Variants in DRG2 observed in about 807,000 individuals in gnomAD.
The protein encoded by DRG2 is developmentally-regulated GTP-binding protein 2.
DRG2 carries 36 observed loss-of-function variants against 53.4 expected under a neutral mutation model. That is an observed-to-expected ratio of 0.67 (90% CI 0.52 to 0.89). DRG2 has a LOEUF of 0.89. DRG2 is among the 40% of genes least tolerant of loss of function. The pLI is 0.00. For synonymous variants in DRG2, 167 were observed against 192.1 expected (o/e 0.87, Z 1.08); for missense variants, 342 against 481.2 (o/e 0.71, Z 2.71).
intron 12 of DRG2, among the ~76,000 whole-genome samples, chr17:18,106,893 G>C (rs778804223): frequency 6.6e-6 from 1 of 151,982 alleles, no homozygotes; most frequent in Non-Finnish European, 1.5e-5. Context: ...TCTGGCCCAG[G>C]CTGTCTCAAA....
rs1030556216 is a variant in DRG2 at position 18,102,722 on chromosome 17, G to C, written c.806+725G>C. ...GCCTACCTCTCCTGGTGCTCTGGAA[G>C]GTGTGGCTTCTGTCTGATCACAGCT... On this transcript the variant is annotated intron_variant, in intron 9 of 12. Coordinates refer to ENST00000225729, the MANE Select transcript of DRG2 (RefSeq NM_001388.5). 7.2e-5 allele frequency among the ~76,000 whole-genome samples: 11 copies of C among 152,106 alleles called. No individual in the cohort carries two copies. In the South Asian group the frequency reaches 1.7e-3, roughly 23 times the overall value.
chr17:18,093,992 G>C lies in DRG2; in HGVS notation c.225+19G>C, dbSNP rs2045383758. The stretch of plus-strand genomic sequence containing the variant: ...GGGTAAGGTCAGTGATGGTCAGTGT[G>C]GGCCTCGGGGAGGAAAGCAAGAAGT... On this transcript the variant is annotated intron_variant, in intron 2 of 12. Transcript: ENST00000225729. 1.2e-6 allele frequency: 2 copies of C among 1,600,982 alleles called. No individual in the cohort carries two copies. Among genetic ancestry groups the C allele is most frequent in the African/African-American group, 2.7e-5 (2 of 74,656 alleles).
Position 18,101,525 on chromosome 17 carries a change from G to A in DRG2, c.664G>A (p.Asp222Asn). 1 of 1,614,210 alleles carries A rather than the reference G, an allele frequency of 6.2e-7. No homozygotes were observed. Among genetic ancestry groups the A allele is most frequent in the Non-Finnish European group, 8.5e-7 (1 of 1,180,040 alleles). The part of the protein sequence containing the change: ...IFNAEVLFRE[D>N]CSPDEFIDVI... ...CAATGCAGAAGTGCTTTTCCGAGAA[G>A]ACTGCTCCCCGGACGAGTTCATCGA... Residue 222 changes from aspartate to asparagine, a missense_variant, in exon 8 of 13, where the codon GAC becomes AAC. Physicochemically the swap from Asp to Asn is conservative, Grantham distance 23. Transcript: ENST00000225729.
At chr17:18,105,085 A>G (rs2045605196) in intron 11 of DRG2, among the ~76,000 whole-genome samples, 1 of 152,154 alleles carries the variant, frequency 6.6e-6, no homozygotes, top group South Asian at 2.1e-4. Flanking sequence ...CAAGGAGGCA[A>G]CCTGAGCCGG....
chr17:18,098,368 G>C lies in DRG2; in HGVS notation c.315+9G>C, dbSNP rs112456807. On this transcript the variant is annotated intron_variant, in intron 3 of 12. Coordinates refer to ENST00000225729, the MANE Select transcript of DRG2 (RefSeq NM_001388.5). The surrounding 1 kb of genome is among the most constrained non-coding windows in gnomAD (Gnocchi z 4.1). ...TTCCTGGGGTCATTGAAGTAAGTGG[G>C]TGTGCTGGGCCCAGAAGGAGAAGGG... The C allele has an allele frequency of 8.7e-6, 14 of 1,612,564 alleles. No individual in the cohort carries two copies. In the African/African-American group the frequency reaches 1.7e-4, roughly 20 times the overall value.
chr17:18,095,255 G>T (rs761469320), intron 2 of DRG2, among the ~76,000 whole-genome samples: 62 of 150,834 alleles, frequency 4.1e-4, no homozygotes, highest in Non-Finnish European at 8.1e-4. Flanking sequence ...CAGGTGATCC[G>T]CCCACCTTGG....
At chr17:18,096,649 T>C (rs573487882) in intron 2 of DRG2, 1 of 152,442 alleles carries the variant, frequency 6.6e-6, no homozygotes, top group South Asian at 2.1e-4. Flanking sequence ...CATTAGAAAC[T>C]ACCATCTGGG....
In DRG2 at chr17:18,099,485, CAT is replaced by C. The variant is rs541955119; in HGVS notation, c.377-147_377-146del. ...CTGAAATAAGTCTCCGTCAGTAAAA[CAT>C]GTGGATTAAAGAAAAATGCCAAGCT... On this transcript the variant is annotated intron_variant, in intron 4 of 12. Transcript: ENST00000225729. This position sits in a 1 kb window ranked among gnomAD's most constrained non-coding sequence, Gnocchi z 4.4. 478 of 799,090 alleles carry C rather than the reference CAT, an allele frequency of 6.0e-4. 2 individuals are homozygous for C. In the Middle Eastern group the frequency reaches 6.3e-3, roughly 11 times the overall value. 49.5% of individuals were successfully genotyped at this position (799,090 alleles called of 1,614,324 possible).
intron 1 of DRG2, among the ~76,000 whole-genome samples, 178 bp downstream of exon 1, chr17:18,088,265 A>G (rs1440629938): frequency 6.6e-6 from 1 of 152,370 alleles, no homozygotes; most frequent in South Asian, 2.1e-4. Context: ...AGCGGGTCTC[A>G]CGCCCAGGTC....
Position 18,098,110 on chromosome 17 carries a change from C to T in DRG2, c.226-160C>T. 1.6e-6 allele frequency: 1 copy of T among 617,870 alleles called. No homozygotes were observed. The allele number at this position is 617,870 out of a possible 1,614,324, so 38.3% of individuals were successfully genotyped here. ...CATCCAGGACAGGGCCAGAGGTGAG[C>T]CCTCTGGCTGGGAGGTCTCTTCACA... On this transcript the variant is annotated intron_variant, in intron 2 of 12. Coordinates refer to ENST00000225729, the MANE Select transcript of DRG2 (RefSeq NM_001388.5). This position sits in a 1 kb window ranked among gnomAD's most constrained non-coding sequence, Gnocchi z 4.1.
At chr17:18,102,635 A>AG (rs2045560517) in intron 9 of DRG2, among the ~76,000 whole-genome samples, 1 of 151,924 alleles carries the variant, frequency 6.6e-6, no homozygotes, top group East Asian at 1.9e-4. Flanking sequence ...AAAAAAAAAA[A>AG]AAAAAAGAGG....
Position 18,098,347 on chromosome 17 carries a change from T to G in DRG2, c.303T>G (p.Pro101=). ...AGTTCACCACTCTGACGTGTATTCC[T>G]GGGGTCATTGAAGTAAGTGGGTGTG... ...SYEFTTLTCI[P]GVIEYKGANI... Residue 101 remains proline (P), a synonymous_variant, in exon 3 of 13, where the codon CCT becomes CCG. Coordinates refer to ENST00000225729, the MANE Select transcript of DRG2 (RefSeq NM_001388.5). The surrounding 1 kb of genome is among the most constrained non-coding windows in gnomAD (Gnocchi z 4.1). 1 of 1,613,912 alleles carries G rather than the reference T, an allele frequency of 6.2e-7. No individual in the cohort carries two copies. Among genetic ancestry groups the G allele is most frequent in the African/African-American group, 1.3e-5 (1 of 75,058 alleles).
chr17:18,091,073 C>T (rs1187224056), intron 1 of DRG2, among the ~76,000 whole-genome samples: 3 of 152,188 alleles, frequency 2.0e-5, no homozygotes, highest in Non-Finnish European at 4.4e-5. Context: ...GCTGGGGATC[C>T]AGTCCCATTT....
chr17:18,099,013 C>G lies in DRG2; in HGVS notation c.316-4C>G. The G allele has an allele frequency of 6.2e-7, 1 of 1,614,042 alleles. No individual in the cohort carries two copies. The highest frequency in any genetic ancestry group is 1.3e-5 in the African/African-American group (1 of 75,054). ...CCTTACCTTTCTTCTCTTCTGCATC[C>G]TAGTACAAAGGTGCCAACATCCAGC... On this transcript the variant is annotated splice_polypyrimidine_tract_variant and splice_region_variant and intron_variant, in intron 3 of 12. Coordinates refer to ENST00000225729, the MANE Select transcript of DRG2 (RefSeq NM_001388.5). This position sits in a 1 kb window ranked among gnomAD's most constrained non-coding sequence, Gnocchi z 4.4.
chr17:18,092,839 G>A (rs1294996984), intron 1 of DRG2, among the ~76,000 whole-genome samples: 1 of 152,152 alleles, frequency 6.6e-6, no homozygotes, highest in Non-Finnish European at 1.5e-5. Context: ...GTGTTGTATT[G>A]GCCACTGAGT....
chr17:18,091,155 C>A (rs1431764997), intron 1 of DRG2, among the ~76,000 whole-genome samples: 3 of 152,184 alleles, frequency 2.0e-5, no homozygotes, highest in African/African-American at 7.2e-5. Flanking sequence ...TAAACCTGCT[C>A]ATGAGGCAGG....
intron 11 of DRG2, chr17:18,106,077 G>T (rs1317207003): frequency 2.1e-5 from 6 of 284,888 alleles, no homozygotes; most frequent in South Asian, 4.7e-5. Flanking sequence ...AAGCAGGGGG[G>T]ACTCCAAGCT....
chr17:18,089,458 A>G lies in DRG2; in HGVS notation c.64+1371A>G, dbSNP rs193255350. On this transcript the variant is annotated intron_variant, in intron 1 of 12. Coordinates refer to ENST00000225729, the MANE Select transcript of DRG2 (RefSeq NM_001388.5). The stretch of plus-strand genomic sequence containing the variant: ...CCTGGCCGATCTTTCCTGAGCCTTT[A>G]CTATGTGCTAGGCACTGTGGTTAAA... Among the ~76,000 whole-genome samples, 110 of 152,300 alleles carry G rather than the reference A, an allele frequency of 7.2e-4. 1 individual carries two copies. Among genetic ancestry groups the G allele is most frequent in the Non-Finnish European group, 1.3e-3 (89 of 68,018 alleles).
At position 18,106,638 on chromosome 17, in the gene DRG2, A is replaced by G. The variant is rs908171686; in HGVS notation, c.1008+152A>G. ...TGTGTCTGTCCTCCATAGAATGTAC[A>G]TGCCAACCCAGGGTAGACATGGGCC... is the stretch of plus-strand genomic sequence containing the variant. On this transcript the variant is annotated intron_variant, in intron 12 of 12. Coordinates refer to ENST00000225729, the MANE Select transcript of DRG2 (RefSeq NM_001388.5). 1.1e-5 allele frequency: 9 copies of G among 808,518 alleles called. No homozygotes were observed. In the East Asian group the frequency reaches 2.5e-4, roughly 22 times the overall value. 50.1% of individuals were successfully genotyped at this position (808,518 alleles called of 1,614,324 possible). A position where few individuals can be genotyped will look rare whatever the true frequency, so the allele number is the denominator to read the frequency against.
Sources: allele counts gnomAD v4.1 joint callset (sites outside exome capture counted in the v4.1 genomes callset), GRCh38; gene constraint gnomAD v4.1.1; non-coding constraint Gnocchi (gnomAD v3.1); transcripts MANE v1.5; gene names NCBI Gene and HGNC (gene_info 2026-07-23, HGNC 2026-07-21).